Variants in FAT3 observed in about 807,000 individuals in gnomAD.
The protein encoded by FAT3 is FAT atypical cadherin 3.
A neutral mutation model predicts 310.2 loss-of-function variants in FAT3; 95 were observed. The ratio of observed to expected loss-of-function variants is 0.31; its 90% confidence interval spans 0.26 to 0.36. The LOEUF (loss-of-function observed/expected upper bound fraction) is 0.36. FAT3 is among the 10% of genes least tolerant of loss of function. The probability of loss-of-function intolerance (pLI) is 1.00; values close to 1 mark genes in which losing one functional copy is unlikely to be tolerated. For synonymous variants in FAT3, 2,314 were observed against 2,192.9 expected (o/e 1.06, Z -1.54); for missense variants, 5,408 against 5,715.6 (o/e 0.95, Z 1.74).
rs926166502 is a variant in FAT3, at chr11:92,496,806, T to C, written c.3293-27828T>C. ...GGGGTTATGTTTTATAATATGAGAGTTGAGTTTTAAGAGACTCTCTGGTTT... is the reference window on the plus strand; with the variant it reads ...GGGGTTATGTTTTATAATATGAGAGCTGAGTTTTAAGAGACTCTCTGGTTT... On this transcript the variant is annotated intron_variant, in intron 2 of 27. Transcript: ENST00000525166. Among the ~76,000 whole-genome samples the C allele has an allele frequency of 7.9e-5, 12 of 151,838 alleles. 1 individual carries two copies. The highest frequency in any genetic ancestry group is 1.3e-4 in the Admixed American group (2 of 15,228).
chr11:92,857,444 T>C, intron 20 of FAT3, 96 bp downstream of exon 20: 4 of 1,534,066 alleles, frequency 2.6e-6, no homozygotes, highest in Non-Finnish European at 3.5e-6. Flanking sequence ...CCAGAAAACG[T>C]TTCTTTATGC....
chr11:92,413,449 C>T (rs79267605), intron 2 of FAT3, among the ~76,000 whole-genome samples: 6,652 of 152,112 alleles, frequency 0.044, 456 homozygotes, highest in African/African-American at 0.14. Flanking sequence ...TTCAAAGAGC[C>T]CTAGTTTATT....
Position 92,809,735 on chromosome 11 carries a change from G to A in FAT3, c.9248-108G>A, listed in dbSNP as rs1947615806. On this transcript the variant is annotated intron_variant, in intron 12 of 27. Transcript: ENST00000525166. Reference sequence around the variant, plus strand: ...GTATGGGACACTTGGGCCAAATGATGTTAGTCCTTCCTATGTTGAGAATTG... The same window carrying A: ...GTATGGGACACTTGGGCCAAATGATATTAGTCCTTCCTATGTTGAGAATTG... 4 of 800,530 alleles carry A rather than the reference G, an allele frequency of 5.0e-6. No homozygotes were observed. In the South Asian group the frequency reaches 7.3e-5, roughly 15 times the overall value. The allele number at this position is 800,530 out of a possible 1,614,324, so 49.6% of individuals were successfully genotyped here. A position where few individuals can be genotyped will look rare whatever the true frequency, so the allele number is the denominator to read the frequency against.
chr11:92,510,709 C>T (rs181932456), intron 2 of FAT3, among the ~76,000 whole-genome samples: 2 of 152,328 alleles, frequency 1.3e-5, no homozygotes, highest in African/African-American at 4.8e-5. Flanking sequence ...GGAGAGCTGT[C>T]CATTTTCATT....
intron 22 of FAT3, among the ~76,000 whole-genome samples, chr11:92,875,971 C>T (rs911682443): frequency 3.3e-5 from 5 of 152,186 alleles, no homozygotes; most frequent in African/African-American, 1.2e-4. Flanking sequence ...AAATCAGTCC[C>T]ATGACCTGAG....
chr11:92,295,980 G>A (rs1565208348), intron 1 of FAT3, among the ~76,000 whole-genome samples: 1 of 152,100 alleles, frequency 6.6e-6, no homozygotes, highest in Non-Finnish European at 1.5e-5. Context: ...TCACTTGGAT[G>A]GCTGGTCTGG....
chr11:92,280,292 G>C (rs1439046801), intron 1 of FAT3, among the ~76,000 whole-genome samples: 1 of 152,022 alleles, frequency 6.6e-6, no homozygotes, highest in African/African-American at 2.4e-5. Flanking sequence ...ATTGGGTATA[G>C]GAAAGAAAAT....
At chr11:92,700,612 TG>T (rs778342766) in intron 4 of FAT3, among the ~76,000 whole-genome samples, 2 of 152,204 alleles carry the variant, frequency 1.3e-5, no homozygotes, top group Non-Finnish European at 2.9e-5. Flanking sequence ...CTGGCTTTTC[TG>T]TGATCTTTGG....
At chr11:92,336,203 G>T in intron 1 of FAT3, 1 of 569,002 alleles carries the variant, frequency 1.8e-6, no homozygotes, top group Non-Finnish European at 3.5e-6. Context: ...CAAGGACCGG[G>T]ACAATGGAGA....
intron 3 of FAT3, among the ~76,000 whole-genome samples, chr11:92,694,952 G>A (rs1057456048): frequency 1.4e-4 from 21 of 152,160 alleles, no homozygotes; most frequent in Admixed American, 5.9e-4. Context: ...AAATGAAGGT[G>A]TCAGATATGT....
At chr11:92,880,607 T>C in intron 22 of FAT3, 124 bp from the exon 23 acceptor site, 1 of 1,110,370 alleles carries the variant, frequency 9.0e-7, no homozygotes, top group South Asian at 1.8e-5. Context: ...CTAACCACCT[T>C]TGGAATTTGG....
In FAT3 at chr11:92,893,190, T is replaced by C. The variant is rs1949954292; in HGVS notation, c.*2077T>C. The C allele has an allele frequency of 6.6e-6, 1 of 150,804 alleles. No individual in the cohort carries two copies. The highest frequency in any genetic ancestry group is 2.4e-5 in the African/African-American group (1 of 41,338). The allele number at this position is 150,804 out of a possible 1,614,324, so 9.3% of individuals were successfully genotyped here. A position where few individuals can be genotyped will look rare whatever the true frequency, so the allele number is the denominator to read the frequency against. On this transcript the variant is annotated 3_prime_UTR_variant, in exon 28 of 28. Coordinates refer to ENST00000525166, the MANE Select transcript of FAT3 (RefSeq NM_001367949.2). ...AAAAATCCTTTTTCATTCCCAAACT[T>C]TCTAAGTAAGTGGATACACTACACT...
chr11:92,244,941 C>T (rs1387697599), intron 1 of FAT3, among the ~76,000 whole-genome samples: 1 of 152,016 alleles, frequency 6.6e-6, no homozygotes, highest in Non-Finnish European at 1.5e-5. Flanking sequence ...GGTGATTCCT[C>T]AAGGATCTAG....
At chr11:92,508,729 T>C (rs1953194495) in intron 2 of FAT3, among the ~76,000 whole-genome samples, 1 of 152,138 alleles carries the variant, frequency 6.6e-6, no homozygotes, top group Non-Finnish European at 1.5e-5. Flanking sequence ...GAGAAAAGGC[T>C]TTTCTAAGCA....
chr11:92,585,663 G>C (rs1331860546), intron 3 of FAT3, among the ~76,000 whole-genome samples: 1 of 151,946 alleles, frequency 6.6e-6, no homozygotes, highest in African/African-American at 2.4e-5. Flanking sequence ...AGCACAGAGA[G>C]GTTAAGTCAA....
chr11:92,652,185 C>A (rs986295227), intron 3 of FAT3, among the ~76,000 whole-genome samples: 3 of 149,560 alleles, frequency 2.0e-5, no homozygotes, highest in Non-Finnish European at 4.4e-5. Context: ...CCAGGGCTGA[C>A]TCCAAAGCCT....
intron 2 of FAT3, among the ~76,000 whole-genome samples, chr11:92,438,383 T>C (rs913977697): frequency 1.2e-4 from 18 of 152,268 alleles, no homozygotes; most frequent in African/African-American, 4.3e-4. Context: ...AATCAAAATG[T>C]TAAACAATAG....
chr11:92,566,993 T>G (rs1955479387), intron 3 of FAT3, among the ~76,000 whole-genome samples: 1 of 152,050 alleles, frequency 6.6e-6, no homozygotes, highest in Admixed American at 6.6e-5. Context: ...ACTTCATGTC[T>G]AAAACACCAA....
At chr11:92,256,871 C>T (rs1037821996) in intron 1 of FAT3, among the ~76,000 whole-genome samples, 1 of 152,092 alleles carries the variant, frequency 6.6e-6, no homozygotes. Flanking sequence ...CAGATCTTCC[C>T]TAATCCCAGT....
Sources: allele counts gnomAD v4.1 joint callset (sites outside exome capture counted in the v4.1 genomes callset), GRCh38; gene constraint gnomAD v4.1.1; transcripts MANE v1.5; gene names NCBI Gene and HGNC (gene_info 2026-07-23, HGNC 2026-07-21).